ERBB4: variants seen among roughly 807,000 people sequenced by gnomAD.
ERBB4 encodes the protein erb-b2 receptor tyrosine kinase 4.
A neutral mutation model predicts 158.0 loss-of-function variants in ERBB4; 42 were observed. The ratio of observed to expected loss-of-function variants is 0.27; its 90% CI spans 0.21 to 0.34. ERBB4 has a LOEUF of 0.34. ERBB4 is among the 10% of genes least tolerant of loss of function. The probability of loss-of-function intolerance (pLI) is 1.00; values close to 1 mark genes in which losing one functional copy is unlikely to be tolerated. For missense variants in ERBB4, 1,333 were observed against 1,624.1 expected (o/e 0.82, Z 3.08); for synonymous variants, 583 against 558.7 (o/e 1.04, Z -0.61).
At chr2:212,421,445 A>T (rs749232524) in intron 1 of ERBB4, among the ~76,000 whole-genome samples, 2 of 152,004 alleles carry the variant, frequency 1.3e-5, no homozygotes, top group Non-Finnish European at 2.9e-5. Context: ...TTGACTTAAC[A>T]CTTTTCTTAT....
intron 1 of ERBB4, among the ~76,000 whole-genome samples, chr2:212,481,965 A>C (rs774708647): frequency 2.0e-5 from 3 of 152,234 alleles, no homozygotes; most frequent in Non-Finnish European, 2.9e-5. Context: ...TGGTAATGGT[A>C]GCAGCAATTG....
intron 2 of ERBB4, among the ~76,000 whole-genome samples, chr2:212,010,427 A>G (rs984531785): frequency 6.6e-6 from 1 of 152,034 alleles, no homozygotes; most frequent in African/African-American, 2.4e-5. Flanking sequence ...GTTTTCTATT[A>G]AGGATTTCAA....
At chr2:211,600,884 A>G (rs1457112807) in intron 19 of ERBB4, among the ~76,000 whole-genome samples, 1 of 152,078 alleles carries the variant, frequency 6.6e-6, no homozygotes, top group East Asian at 1.9e-4. Context: ...TTCTCTCTGG[A>G]AAGAGAGAAA....
chr2:212,220,712 G>C (rs545542603), intron 1 of ERBB4, among the ~76,000 whole-genome samples: 29 of 151,388 alleles, frequency 1.9e-4, no homozygotes, highest in African/African-American at 5.6e-4. Context: ...TTCAATTAAG[G>C]CTTTCTTATC....
intron 2 of ERBB4, among the ~76,000 whole-genome samples, chr2:212,085,338 A>T (rs1269150219): frequency 1.3e-5 from 2 of 151,974 alleles, no homozygotes; most frequent in African/African-American, 2.4e-5. Context: ...CTACATGTGT[A>T]TTATTTTGTT....
intron 7 of ERBB4, among the ~76,000 whole-genome samples, chr2:211,717,155 G>T (rs1210663089): frequency 6.6e-6 from 1 of 152,168 alleles, no homozygotes; most frequent in Non-Finnish European, 1.5e-5. Context: ...ACTGTCTTTG[G>T]GAAAGGCATC....
intron 20 of ERBB4, among the ~76,000 whole-genome samples, chr2:211,459,514 G>C (rs1378415231): frequency 6.6e-6 from 1 of 152,162 alleles, no homozygotes; most frequent in African/African-American, 2.4e-5. Context: ...TGTCTTGTGG[G>C]AAGGACCTGG....
intron 1 of ERBB4, among the ~76,000 whole-genome samples, chr2:212,206,068 G>A (rs1038767385): frequency 2.0e-5 from 3 of 152,064 alleles, no homozygotes. Flanking sequence ...ATTTGTGTTG[G>A]TATTAGCAGG....
At chr2:212,045,686 C>T (rs2077244057) in intron 2 of ERBB4, among the ~76,000 whole-genome samples, 1 of 152,086 alleles carries the variant, frequency 6.6e-6, no homozygotes, top group South Asian at 2.1e-4. Flanking sequence ...AGACTTAAGG[C>T]TGATAGATGA....
chr2:212,305,429 T>C (rs192828701), intron 1 of ERBB4, among the ~76,000 whole-genome samples: 70 of 151,416 alleles, frequency 4.6e-4, no homozygotes, highest in Non-Finnish European at 8.3e-4. Context: ...ATTTAATTGG[T>C]CAAGATTGTA....
At chr2:211,916,395 G>C (rs1213381180) in intron 3 of ERBB4, among the ~76,000 whole-genome samples, 2 of 151,996 alleles carry the variant, frequency 1.3e-5, no homozygotes, top group African/African-American at 4.8e-5. Flanking sequence ...GGCTAGGCTG[G>C]TCTCGAACTC....
rs534249836 is a variant in ERBB4, at chr2:212,050,433, G to A, written c.234+74319C>T. On this transcript the variant is annotated intron_variant, in intron 2 of 27. Transcript: ENST00000342788. ...GATACATAAAGTGATAAATGTGATG[G>A]AATGCTTTGTTAGCACCCTGCCACA... Among the ~76,000 whole-genome samples, 3 of 152,264 alleles carry A rather than the reference G, an allele frequency of 2.0e-5. No homozygotes were observed. In the South Asian group the frequency reaches 6.2e-4, roughly 32 times the overall value.
At chr2:211,927,830 C>T (rs920547403) in intron 3 of ERBB4, among the ~76,000 whole-genome samples, 2 of 151,636 alleles carry the variant, frequency 1.3e-5, no homozygotes, top group East Asian at 3.9e-4. Context: ...ATTATACTTA[C>T]GAGGAGGTTA....
intron 18 of ERBB4, among the ~76,000 whole-genome samples, chr2:211,620,103 T>G (rs1292509287): frequency 1.3e-5 from 2 of 152,140 alleles, no homozygotes; most frequent in African/African-American, 4.8e-5. Flanking sequence ...AGCATTTGAA[T>G]GAGGACAATG....
intron 1 of ERBB4, among the ~76,000 whole-genome samples, chr2:212,499,259 T>C (rs1207641540): frequency 1.3e-5 from 2 of 152,016 alleles, no homozygotes. Context: ...ATGCATTAAA[T>C]AGTATTACAA....
At chr2:212,506,779 A>G (rs1354450077) in intron 1 of ERBB4, among the ~76,000 whole-genome samples, 3 of 152,338 alleles carry the variant, frequency 2.0e-5, no homozygotes, top group African/African-American at 7.2e-5. Flanking sequence ...TAAGGATAGA[A>G]GCTGTCTCCA....
rs1292415860 is a variant in ERBB4, at chr2:211,750,940, A to G, written c.557-236T>C. Among the ~76,000 whole-genome samples the G allele has an allele frequency of 2.6e-5, 4 of 152,218 alleles. No homozygotes were observed. The East Asian group carries it at 7.7e-4, about 29-fold the overall frequency. On this transcript the variant is annotated intron_variant, in intron 4 of 27. Transcript: ENST00000342788. ...AATCCTCTTATCATTTTTTAGGAAA[A>G]TAAAATAAATGAATTTGTGAATTTT...
At chr2:211,405,281 G>A (rs1313407866) in intron 25 of ERBB4, among the ~76,000 whole-genome samples, 5 of 152,038 alleles carry the variant, frequency 3.3e-5, no homozygotes, top group East Asian at 1.9e-4. Flanking sequence ...GAAGCAATTC[G>A]AATGTCTTCC....
intron 1 of ERBB4, among the ~76,000 whole-genome samples, chr2:212,151,897 T>C (rs2080885438): frequency 6.6e-6 from 1 of 152,118 alleles, no homozygotes; most frequent in Non-Finnish European, 1.5e-5. Flanking sequence ...CATAATCACA[T>C]CCAAAATTGC....
Sources: allele counts gnomAD v4.1 joint callset (sites outside exome capture counted in the v4.1 genomes callset), GRCh38; gene constraint gnomAD v4.1.1; transcripts MANE v1.5; gene names NCBI Gene and HGNC (gene_info 2026-07-23, HGNC 2026-07-21).